RNF220: variants seen among roughly 807,000 people sequenced by gnomAD.
RNF220 encodes the protein ring finger protein 220.
A neutral mutation model predicts 67.1 loss-of-function variants in RNF220; 7 were observed. That is an observed-to-expected ratio of 0.10 (90% CI 0.06 to 0.20). RNF220 has a LOEUF of 0.20. Ranked by LOEUF, RNF220 falls within the 10% of genes least tolerant of loss-of-function variation. The pLI is 1.00. For synonymous variants in RNF220, 270 were observed against 283.2 expected (o/e 0.95, Z 0.47); for missense variants, 565 against 740.3 (o/e 0.76, Z 2.75).
rs753940131 is a variant in RNF220, at chr1:44,412,052, G to A, written c.-46G>A. 1 of 1,569,904 alleles carries A rather than the reference G, an allele frequency of 6.4e-7. No homozygotes were observed. Among genetic ancestry groups the A allele is most frequent in the Non-Finnish European group, 8.6e-7 (1 of 1,156,846 alleles). On this transcript the variant is annotated 5_prime_UTR_variant, in exon 2 of 15. Transcript: ENST00000361799. The surrounding 1 kb of genome is among the most constrained non-coding windows in gnomAD (Gnocchi z 5.3). ...AAAGTGCTGGTTGGCCTCCCTCCCA[G>A]GGAAGACTGCTTCTTGCGTAACGCC...
At chr1:44,618,076 C>T (rs1353794043) in intron 3 of RNF220, among the ~76,000 whole-genome samples, 2 of 152,216 alleles carry the variant, frequency 1.3e-5, no homozygotes, top group Admixed American at 6.5e-5. Context: ...GTCCCCCCTC[C>T]ACTTGACTGC....
chr1:44,604,660 A>C (rs541371768), intron 2 of RNF220, among the ~76,000 whole-genome samples: 1 of 152,386 alleles, frequency 6.6e-6, no homozygotes, highest in South Asian at 2.1e-4. Flanking sequence ...AAACCTGTCC[A>C]TAGACTGACT....
intron 2 of RNF220, among the ~76,000 whole-genome samples, chr1:44,556,065 C>T (rs937976920): frequency 6.6e-6 from 1 of 150,552 alleles, no homozygotes; most frequent in Non-Finnish European, 1.5e-5. Flanking sequence ...GATGGAGTCT[C>T]TCTGTGTCGC....
chr1:44,433,984 A>C (rs1283341766), intron 2 of RNF220, among the ~76,000 whole-genome samples: 1 of 152,288 alleles, frequency 6.6e-6, no homozygotes, highest in East Asian at 1.9e-4. Context: ...AAAATAAAAT[A>C]AAACATATTT....
chr1:44,424,568 A>T (rs1434557394), intron 2 of RNF220, among the ~76,000 whole-genome samples: 2 of 152,100 alleles, frequency 1.3e-5, no homozygotes, highest in African/African-American at 4.8e-5. Flanking sequence ...AAAGGAGAGG[A>T]TGGAAACCCA....
At chr1:44,535,888 G>A (rs913694445) in intron 2 of RNF220, among the ~76,000 whole-genome samples, 1 of 152,126 alleles carries the variant, frequency 6.6e-6, no homozygotes, top group Non-Finnish European at 1.5e-5. Context: ...ACGTGCTGTG[G>A]GTCCAGGCAG....
At chr1:44,419,565 G>C (rs1176911464) in intron 2 of RNF220, 1 of 152,130 alleles carries the variant, frequency 6.6e-6, no homozygotes, top group East Asian at 1.9e-4. Flanking sequence ...ATCTAAAAGG[G>C]TTTAGTGTTC....
chr1:44,483,439 G>T (rs553041145), intron 2 of RNF220, among the ~76,000 whole-genome samples: 4 of 152,194 alleles, frequency 2.6e-5, no homozygotes, highest in Non-Finnish European at 4.4e-5. Flanking sequence ...AGTCAGGAAA[G>T]GGAGAAGTGC....
intron 2 of RNF220, among the ~76,000 whole-genome samples, chr1:44,478,094 T>C: frequency 6.6e-6 from 1 of 152,144 alleles, no homozygotes; most frequent in East Asian, 1.9e-4. Flanking sequence ...TTCTCCTGTC[T>C]CAGCCTCCCA....
At chr1:44,577,566 G>T (rs971414536) in intron 2 of RNF220, among the ~76,000 whole-genome samples, 3 of 152,146 alleles carry the variant, frequency 2.0e-5, no homozygotes, top group African/African-American at 7.2e-5. Context: ...AAATAGTGAC[G>T]AACAAAACCC....
At chr1:44,636,448 G>C (rs778372890) in intron 8 of RNF220, 1 of 717,640 alleles carries the variant, frequency 1.4e-6, no homozygotes, top group Non-Finnish European at 2.6e-6. Context: ...CAGCCAAGCC[G>C]CGTTAGCACC....
At chr1:44,519,986 T>C (rs1190395007) in intron 2 of RNF220, among the ~76,000 whole-genome samples, 1 of 151,870 alleles carries the variant, frequency 6.6e-6, no homozygotes, top group Non-Finnish European at 1.5e-5. Flanking sequence ...GAAAAATGGA[T>C]TAGCAGAGAC....
At chr1:44,642,272 A>C (rs1339178171) in intron 8 of RNF220, among the ~76,000 whole-genome samples, 1 of 152,256 alleles carries the variant, frequency 6.6e-6, no homozygotes, top group African/African-American at 2.4e-5. Context: ...CACGCAGAGC[A>C]CCATGAGGAT....
At chr1:44,585,866 C>T (rs1355436063) in intron 2 of RNF220, among the ~76,000 whole-genome samples, 1 of 152,110 alleles carries the variant, frequency 6.6e-6, no homozygotes, top group Non-Finnish European at 1.5e-5. Flanking sequence ...ACAGCAGGTG[C>T]TCTGGCTATG....
intron 2 of RNF220, among the ~76,000 whole-genome samples, chr1:44,549,736 C>T (rs761494741): frequency 6.6e-6 from 1 of 152,166 alleles, no homozygotes; most frequent in Admixed American, 6.5e-5. Flanking sequence ...GTGTTCACCA[C>T]GTTAGGTAAA....
At position 44,417,590 on chromosome 1, in the gene RNF220, C is replaced by T. The variant is rs1648684474; in HGVS notation, c.625+4868C>T. ...CTCTTACGGCCGGAATGCCTAATCA[C>T]CATGGTGAGAAAACGGACACCGCAG... is the stretch of plus-strand genomic sequence containing the variant. On this transcript the variant is annotated intron_variant, in intron 2 of 14. Coordinates refer to ENST00000361799, the MANE Select transcript of RNF220 (RefSeq NM_018150.4). This position sits in a 1 kb window ranked among gnomAD's most constrained non-coding sequence, Gnocchi z 4.0. Among the ~76,000 whole-genome samples the T allele has an allele frequency of 6.6e-6, 1 of 152,204 alleles. No individual in the cohort carries two copies. Among genetic ancestry groups the T allele is most frequent in the Non-Finnish European group, 1.5e-5 (1 of 68,044 alleles).
intron 2 of RNF220, among the ~76,000 whole-genome samples, chr1:44,465,888 G>A (rs1654229782): frequency 6.6e-6 from 1 of 152,120 alleles, no homozygotes; most frequent in South Asian, 2.1e-4. Context: ...CTAGTGGAGA[G>A]TTTTGCCTTA....
chr1:44,487,334 C>T (rs991030407), intron 2 of RNF220, among the ~76,000 whole-genome samples: 1 of 61,182 alleles, frequency 1.6e-5, no homozygotes, highest in African/African-American at 5.6e-5. Flanking sequence ...GACTCTGTCT[C>T]AAAAATAAAT....
chr1:44,511,916 C>CGTGCGTGTGTGTGT (rs1553234667), intron 2 of RNF220, among the ~76,000 whole-genome samples: 2 of 147,706 alleles, frequency 1.4e-5, no homozygotes, highest in African/African-American at 2.5e-5. Flanking sequence ...CGTGTGTGTG[C>CGTGCGTGTGTGTGT]GTGTGTGTGT....
Sources: allele counts gnomAD v4.1 joint callset (sites outside exome capture counted in the v4.1 genomes callset), GRCh38; gene constraint gnomAD v4.1.1; non-coding constraint Gnocchi (gnomAD v3.1); transcripts MANE v1.5; gene names NCBI Gene and HGNC (gene_info 2026-07-23, HGNC 2026-07-21).